Variants in NUP210L observed in about 807,000 individuals in gnomAD.
NUP210L encodes the protein nucleoporin 210 like.
NUP210L carries 74 observed loss-of-function variants against 208.5 expected under a neutral mutation model. The observed-to-expected ratio is 0.35, with a 90% CI of 0.29 to 0.43. The LOEUF is 0.43. NUP210L is among the 20% of genes least tolerant of loss of function. The pLI, the probability that NUP210L is intolerant of heterozygous loss-of-function variation, is 1.00. For missense variants in NUP210L, 1,843 were observed against 2,289.4 expected (o/e 0.81, Z 3.98); for synonymous variants, 780 against 816.9 (o/e 0.95, Z 0.77).
chr1:154,083,684 CCT>C (rs760520995), intron 16 of NUP210L, among the ~76,000 whole-genome samples: 16 of 151,926 alleles, frequency 1.1e-4, no homozygotes, highest in Non-Finnish European at 1.6e-4. Context: ...TTTCTTCTTC[CCT>C]CTCTCATATT....
At position 154,131,840 on chromosome 1, in the gene NUP210L, C is replaced by T. The variant is rs575881135; in HGVS notation, c.1010-2495G>A. Among the ~76,000 whole-genome samples the T allele has an allele frequency of 5.9e-5, 9 of 152,002 alleles. No homozygotes were observed. In the East Asian group the frequency reaches 1.2e-3, roughly 20 times the overall value. ...CTTTAGTTGAGACTCAGTTTCACTC[C>T]GTCGCCCAGGCTGGGGTGCAGTGGT... On this transcript the variant is annotated intron_variant, in intron 7 of 39. Coordinates refer to ENST00000368559, the Ensembl canonical transcript of NUP210L.
At chr1:154,137,769 T>C (rs766686512) in intron 6 of NUP210L, among the ~76,000 whole-genome samples, 5 of 152,154 alleles carry the variant, frequency 3.3e-5, no homozygotes, top group Non-Finnish European at 7.4e-5. Context: ...CTCTGTTGCC[T>C]AGATTGGTCT....
At chr1:154,088,723 G>A (rs187924241) in intron 16 of NUP210L, among the ~76,000 whole-genome samples, 19 of 152,292 alleles carry the variant, frequency 1.2e-4, no homozygotes, top group Admixed American at 1.2e-3. Context: ...TTATGACTGG[G>A]AAAATTAATC....
chr1:154,061,039 G>T lies in NUP210L; in HGVS notation c.2651C>A (p.Ser884Tyr), dbSNP rs372671339. Residue 884 changes from serine to tyrosine, a missense_variant, in exon 19 of 40, where the codon TCC becomes TAC. Ser to Tyr is a moderately radical substitution (Grantham distance 144, BLOSUM62 -2). Around this residue, in one of 5 missense-constraint regions of NUP210L, gnomAD observed 408 missense variants for 600.8 expected, o/e 0.68. Coordinates refer to ENST00000368559, the Ensembl canonical transcript of NUP210L. ...CACATCTACAGATCTGGGCAAGTTG[G>T]AAATTTCCTAGAAATATAATAAGAA... 5.0e-6 allele frequency: 8 copies of T among 1,606,962 alleles called. No individual in the cohort carries two copies. The African/African-American group carries it at 5.4e-5, about 11-fold the overall frequency.
At chr1:154,154,946 C>G (rs763956168) in exon 1 of NUP210L, 2 of 1,614,198 alleles carry the variant, frequency 1.2e-6, no homozygotes, top group Non-Finnish European at 1.7e-6. Flanking sequence ...TGGCCAGGGT[C>G]CCACGCAAAA....
chr1:154,038,696 A>G (rs1652698206), intron 27 of NUP210L, among the ~76,000 whole-genome samples: 1 of 152,134 alleles, frequency 6.6e-6, no homozygotes, highest in South Asian at 2.1e-4. Flanking sequence ...CCTGAGCTCA[A>G]GCAATCCACC....
chr1:154,062,633 G>A (rs1654203775), intron 17 of NUP210L, among the ~76,000 whole-genome samples: 1 of 125,174 alleles, frequency 8.0e-6, no homozygotes, highest in African/African-American at 3.1e-5. Flanking sequence ...CTTCACCCAG[G>A]CTGAAGTGCA....
Position 154,139,795 on chromosome 1 carries a change from T to G in NUP210L, c.717+7A>C, listed in dbSNP as rs908708191. The G allele has an allele frequency of 6.2e-7, 1 of 1,610,330 alleles. No individual in the cohort carries two copies. Among genetic ancestry groups the G allele is most frequent in the African/African-American group, 1.3e-5 (1 of 74,688 alleles). On this transcript the variant is annotated splice_region_variant and intron_variant, in intron 5 of 39. Transcript: ENST00000368559. ...TAAGGAAAATTTATAGCACACAAAC[T>G]TTTTACCTTATAGAATGGTTCATGA...
intron 23 of NUP210L, among the ~76,000 whole-genome samples, chr1:154,055,123 TTTTCTTTCTTTCTTTC>T (rs533438783): frequency 0.025 from 2,946 of 117,192 alleles, 44 homozygotes; most frequent in South Asian, 0.032. Flanking sequence ...TCTTTCTTTC[TTTTCTTTCTTTCTTTC>T]TTTCTTTCTT....
chr1:154,012,569 G>C (rs1361080012), intron 33 of NUP210L, among the ~76,000 whole-genome samples, 199 bp from the exon 34 acceptor site: 1 of 150,560 alleles, frequency 6.6e-6, no homozygotes, highest in Non-Finnish European at 1.5e-5. Context: ...TTTAATCAGG[G>C]TCTTGCTCTG....
At chr1:154,107,026 C>A (rs922796116) in intron 12 of NUP210L, among the ~76,000 whole-genome samples, 1 of 152,066 alleles carries the variant, frequency 6.6e-6, no homozygotes, top group South Asian at 2.1e-4. Flanking sequence ...AAATAAGGCA[C>A]CAGTGACCAA....
intron 29 of NUP210L, 131 bp downstream of exon 29, chr1:154,027,374 GA>G: frequency 1.6e-6 from 1 of 624,496 alleles, no homozygotes; most frequent in South Asian, 2.0e-5. Flanking sequence ...TACATTATGG[GA>G]ATTTCACCTC....
At chr1:154,066,891 G>A (rs1023599419) in intron 17 of NUP210L, among the ~76,000 whole-genome samples, 3 of 152,130 alleles carry the variant, frequency 2.0e-5, no homozygotes, top group Non-Finnish European at 2.9e-5. Context: ...GACTAAACCA[G>A]GAAGAAGCTG....
intron 12 of NUP210L, 62 bp downstream of exon 12, chr1:154,117,663 A>T (rs1657396058): frequency 1.6e-6 from 2 of 1,277,658 alleles, no homozygotes; most frequent in Non-Finnish European, 2.2e-6. Flanking sequence ...AAAGTGTGTT[A>T]ATTACTTAAA....
chr1:154,052,278 C>T (rs914283717), intron 25 of NUP210L, among the ~76,000 whole-genome samples: 1 of 152,126 alleles, frequency 6.6e-6, no homozygotes, highest in Non-Finnish European at 1.5e-5. Flanking sequence ...GATTTGGATA[C>T]CATCACGACA....
At chr1:154,087,944 G>A (rs1655709629) in intron 16 of NUP210L, among the ~76,000 whole-genome samples, 1 of 152,178 alleles carries the variant, frequency 6.6e-6, no homozygotes. Flanking sequence ...GAGGAAATAA[G>A]GAATGACTGC....
Position 154,155,074 on chromosome 1 carries a change from A to G in NUP210L, c.-30T>C. The G allele has an allele frequency of 6.5e-7, 1 of 1,526,784 alleles. No homozygotes were observed. Among genetic ancestry groups the G allele is most frequent in the South Asian group, 1.2e-5 (1 of 85,818 alleles). 94.6% of individuals were successfully genotyped at this position (1,526,784 alleles called of 1,614,324 possible). ...ACTGCCAGGTCTCGGGTTCCCGCTC[A>G]ACTACAGCCGGCTCACAGCTCCATC... is the stretch of plus-strand genomic sequence containing the variant. On this transcript the variant is annotated 5_prime_UTR_variant, in exon 1 of 40. Transcript: ENST00000368559.
intron 16 of NUP210L, among the ~76,000 whole-genome samples, chr1:154,078,608 A>G (rs1187902903): frequency 6.6e-6 from 1 of 151,790 alleles, no homozygotes; most frequent in Non-Finnish European, 1.5e-5. Flanking sequence ...AAAAAAAAAA[A>G]GAAAACAATA....
chr1:154,024,702 T>TTC, intron 30 of NUP210L, among the ~76,000 whole-genome samples: 1 of 150,918 alleles, frequency 6.6e-6, no homozygotes, highest in South Asian at 2.1e-4. Flanking sequence ...TTTTTTTTTT[T>TTC]TCATTTTTTG....
Sources: gnomAD v4.1 joint callset for allele counts (sites outside exome capture counted in the v4.1 genomes callset) on GRCh38, gnomAD v4.1.1 for gene constraint, gnomAD v4.1.1 regional missense constraint, MANE v1.5 for transcripts, NCBI Gene and HGNC (gene_info 2026-07-23, HGNC 2026-07-21) for gene names.